The following KAT6B variants were observed in gnomAD, a reference collection of about 807,000 sequenced individuals.
The protein encoded by KAT6B is histone acetyltransferase KAT6B.
In KAT6B, 10 loss-of-function variants were observed where a neutral mutation model predicts 187.5. The observed-to-expected ratio is 0.05, with a 90% CI of 0.03 to 0.09. KAT6B has a LOEUF of 0.09. KAT6B is among the 10% of genes least tolerant of loss of function. The pLI, the probability that KAT6B is intolerant of heterozygous loss-of-function variation, is 1.00. For synonymous variants in KAT6B, 861 were observed against 926.8 expected (o/e 0.93, Z 1.29); for missense variants, 1,952 against 2,558.9 (o/e 0.76, Z 5.12).
chr10:74,881,102 G>T (rs1308296515), intron 3 of KAT6B, among the ~76,000 whole-genome samples: 1 of 151,812 alleles, frequency 6.6e-6, no homozygotes, highest in African/African-American at 2.4e-5. Context: ...TAGAGATGGG[G>T]TTTCACCATA....
chr10:74,841,671 CA>C (rs1419459943), intron 2 of KAT6B, among the ~76,000 whole-genome samples: 2 of 152,188 alleles, frequency 1.3e-5, no homozygotes, highest in African/African-American at 4.8e-5. Flanking sequence ...AGTTTACCCA[CA>C]AAGTTCTGCA....
Position 74,975,775 on chromosome 10 carries a change from G to A in KAT6B, c.1438G>A (p.Ala480Thr), listed in dbSNP as rs776430186. ...ACAGTCATGCACTTCTCATGTGTTG[G>A]CTACAGGTACCACACAAAAGCTAAA... ...QKQSCTSHVL[A>T]TGTTQKLKPP... The change falls in exon 8 of 18, where the codon GCT becomes ACT. Residue 480 changes from alanine to threonine, a missense_variant. Ala to Thr is a moderately conservative substitution (Grantham distance 58, BLOSUM62 0). Transcript: ENST00000287239. The A allele has an allele frequency of 1.2e-6, 2 of 1,614,132 alleles. No homozygotes were observed. Among genetic ancestry groups the A allele is most frequent in the South Asian group, 2.2e-5 (2 of 91,082 alleles).
chr10:75,003,655 T>C (rs1844007668), intron 13 of KAT6B, among the ~76,000 whole-genome samples: 2 of 152,218 alleles, frequency 1.3e-5, no homozygotes, highest in Admixed American at 6.5e-5. Context: ...CTATTTTTCC[T>C]TATTTTCTCA....
intron 3 of KAT6B, among the ~76,000 whole-genome samples, chr10:74,897,139 TGCCA>T (rs1846048864): frequency 6.6e-6 from 1 of 152,240 alleles, no homozygotes; most frequent in African/African-American, 2.4e-5. Context: ...TTTTATTAAC[TGCCA>T]GTGTTTAAAT....
chr10:74,834,711 GGTC>G (rs1841154330), intron 1 of KAT6B, among the ~76,000 whole-genome samples: 1 of 150,946 alleles, frequency 6.6e-6, no homozygotes, highest in African/African-American at 2.5e-5. Context: ...GTAGAGGTAG[GGTC>G]TTGTTGTGTT....
At chr10:74,918,388 T>C (rs1408165059) in intron 3 of KAT6B, among the ~76,000 whole-genome samples, 1 of 152,208 alleles carries the variant, frequency 6.6e-6, no homozygotes. Flanking sequence ...TAGCATGTTA[T>C]CTAGATGCTC....
At chr10:74,888,592 T>C (rs1242058655) in intron 3 of KAT6B, among the ~76,000 whole-genome samples, 2 of 152,096 alleles carry the variant, frequency 1.3e-5, no homozygotes, top group African/African-American at 4.8e-5. Context: ...TTGGCGGCAA[T>C]GAGAAAAAAT....
At chr10:74,847,815 G>T (rs530653579) in intron 3 of KAT6B, among the ~76,000 whole-genome samples, 1 of 151,876 alleles carries the variant, frequency 6.6e-6, no homozygotes, top group Admixed American at 6.6e-5. Context: ...TTCTTAGCCC[G>T]GGATCCACAA....
intron 2 of KAT6B, among the ~76,000 whole-genome samples, chr10:74,840,612 A>G (rs575655316): frequency 1.2e-4 from 18 of 152,328 alleles, no homozygotes; most frequent in Middle Eastern, 3.4e-3. Context: ...TAAAAATGTA[A>G]AGACTCATTG....
intron 13 of KAT6B, among the ~76,000 whole-genome samples, chr10:75,008,775 C>T (rs1458858076): frequency 6.6e-6 from 1 of 152,094 alleles, no homozygotes; most frequent in Non-Finnish European, 1.5e-5. Context: ...TATAAATCTT[C>T]CTTGAAGAGG....
intron 3 of KAT6B, among the ~76,000 whole-genome samples, chr10:74,908,673 A>G (rs912328702): frequency 5.3e-5 from 8 of 152,174 alleles, no homozygotes; most frequent in Non-Finnish European, 1.2e-4. Context: ...GTTTTAGCCT[A>G]TAAAAATGGG....
intron 10 of KAT6B, 152 bp downstream of exon 10, chr10:74,979,491 C>T: frequency 2.9e-6 from 2 of 689,738 alleles, no homozygotes; most frequent in Non-Finnish European, 5.3e-6. Context: ...CTTTTGCCAG[C>T]ACCTTTTTAT....
intron 13 of KAT6B, among the ~76,000 whole-genome samples, chr10:75,001,372 C>T (rs1257902667): frequency 6.6e-6 from 1 of 152,132 alleles, no homozygotes; most frequent in African/African-American, 2.4e-5. Context: ...CTTTGGTTTC[C>T]TGCTCCCTGC....
Position 74,939,841 on chromosome 10 carries a change from C to T in KAT6B, c.622-20129C>T, listed in dbSNP as rs961575971. Among the ~76,000 whole-genome samples the T allele has an allele frequency of 2.6e-5, 4 of 152,250 alleles. No homozygotes were observed. The East Asian group carries it at 7.7e-4, about 29-fold the overall frequency. On this transcript the variant is annotated intron_variant, in intron 3 of 17. Coordinates refer to ENST00000287239, the MANE Select transcript of KAT6B (RefSeq NM_012330.4). Reference sequence around the variant, plus strand: ...TGTCGCAATTTAAAATGCCTGTTTCCGTTACCCAGCAATTTCACTTGTAAG... The same window carrying T: ...TGTCGCAATTTAAAATGCCTGTTTCTGTTACCCAGCAATTTCACTTGTAAG...
At chr10:74,976,567 C>T in intron 8 of KAT6B, 4 of 569,586 alleles carry the variant, frequency 7.0e-6, no homozygotes, top group South Asian at 2.0e-5. Context: ...TATTTCCATT[C>T]GTAGTGACAC....
At chr10:74,916,141 G>A (rs1031831909) in intron 3 of KAT6B, among the ~76,000 whole-genome samples, 1 of 152,064 alleles carries the variant, frequency 6.6e-6, no homozygotes, top group African/African-American at 2.4e-5. Flanking sequence ...CAGCCTGGGC[G>A]ATAGAGCAAG....
At chr10:74,840,648 G>C (rs936053051) in intron 2 of KAT6B, among the ~76,000 whole-genome samples, 2 of 152,130 alleles carry the variant, frequency 1.3e-5, no homozygotes, top group Non-Finnish European at 2.9e-5. Context: ...TATTGGGCAG[G>C]GATCTTTTAT....
intron 9 of KAT6B, 137 bp from the exon 10 acceptor site, chr10:74,979,087 T>C (rs891698382): frequency 3.0e-6 from 2 of 665,952 alleles, no homozygotes; most frequent in Non-Finnish European, 5.4e-6. Context: ...TAAGGGTCTA[T>C]AGTGTTTTAA....
chr10:74,876,090 T>A (rs183994364), intron 3 of KAT6B, among the ~76,000 whole-genome samples: 2 of 152,180 alleles, frequency 1.3e-5, no homozygotes, highest in East Asian at 3.9e-4. Flanking sequence ...ATACACAGAG[T>A]TTTATCATCA....
Sources: gnomAD v4.1 joint callset for allele counts (sites outside exome capture counted in the v4.1 genomes callset) on GRCh38, gnomAD v4.1.1 for gene constraint, MANE v1.5 for transcripts, NCBI Gene and HGNC (gene_info 2026-07-23, HGNC 2026-07-21) for gene names.